COLEC10: variants seen among roughly 807,000 people sequenced by gnomAD.
The protein encoded by COLEC10 is collectin subfamily member 10.
In COLEC10, 22 loss-of-function variants were observed where a neutral mutation model predicts 28.4. The observed-to-expected ratio is 0.78, with a 90% CI of 0.55 to 1.11. COLEC10 has a LOEUF of 1.11. COLEC10 is among the 50% of genes least tolerant of loss of function. The pLI is 0.00. For missense variants in COLEC10, 361 were observed against 344.1 expected, an observed-to-expected ratio of 1.05 and a Z score of -0.39; for synonymous variants, 125 against 116.1, an observed-to-expected ratio of 1.08 and a Z score of -0.49.
At chr8:119,000,309 A>G (rs964865280) in intron 1 of COLEC10, among the ~76,000 whole-genome samples, 3 of 152,040 alleles carry the variant, frequency 2.0e-5, no homozygotes, top group African/African-American at 4.8e-5. Context: ...GAGAATGGGG[A>G]AATGAGTTTC....
At chr8:119,067,106 A>G, upstream of COLEC10, 1 of 596,204 alleles carries the variant, frequency 1.7e-6, no homozygotes, top group Non-Finnish European at 2.9e-6. Flanking sequence ...TGTATGGTCC[A>G]TTTGGAGCAC....
At chr8:119,047,050 G>A (rs895099675) in intron 2 of COLEC10, among the ~76,000 whole-genome samples, 14 of 152,108 alleles carry the variant, frequency 9.2e-5, no homozygotes, top group African/African-American at 3.1e-4. Flanking sequence ...CCTAAATGCT[G>A]ACAACTCTCT....
At chr8:119,010,337 T>G (rs1586996237) in intron 2 of COLEC10, among the ~76,000 whole-genome samples, 1 of 151,152 alleles carries the variant, frequency 6.6e-6, no homozygotes, top group Admixed American at 6.6e-5. Flanking sequence ...TTTAATGTCT[T>G]GATAGCTAAT....
the COLEC10 span, among the ~76,000 whole-genome samples, chr8:118,953,059 C>CAAGAATCAT: frequency 3.9e-5 from 6 of 152,120 alleles, no homozygotes; most frequent in Non-Finnish European, 8.8e-5. Flanking sequence ...GAGAGGGGAC[C>CAAGAATCAT]CCTGGGGAGC....
intron 2 of COLEC10, among the ~76,000 whole-genome samples, chr8:119,040,096 C>G (rs1041885965): frequency 1.3e-5 from 2 of 152,018 alleles, no homozygotes; most frequent in African/African-American, 4.8e-5. Flanking sequence ...TAGTGGACCC[C>G]GTAAAGAATC....
At chr8:118,962,946 C>A in the COLEC10 span, among the ~76,000 whole-genome samples, 57 of 152,272 alleles carry the variant, frequency 3.7e-4, no homozygotes, top group Admixed American at 8.5e-4. Context: ...AAGTGCCAGG[C>A]ACTGGATATG....
Position 119,108,104 on chromosome 8 carries a change from A to G in COLEC10, c.*1913A>G, listed in dbSNP as rs1400512191. Among the ~76,000 whole-genome samples the G allele has an allele frequency of 6.6e-6, 1 of 152,162 alleles. No individual in the cohort carries two copies. The highest frequency in any genetic ancestry group is 2.4e-5 in the African/African-American group (1 of 41,442). On this transcript the variant is annotated 3_prime_UTR_variant, in exon 6 of 6. Coordinates refer to ENST00000332843, the MANE Select transcript of COLEC10 (RefSeq NM_006438.5). Reference sequence around the variant, plus strand: ...ATAATAGGAATTTGTTATATGTTTGACATTTATCAGGTTACTAGTTAAACT... The same window carrying G: ...ATAATAGGAATTTGTTATATGTTTGGCATTTATCAGGTTACTAGTTAAACT...
chr8:119,017,001 A>C (rs530017668), intron 2 of COLEC10, among the ~76,000 whole-genome samples: 2,203 of 152,262 alleles, frequency 0.014, 50 homozygotes, highest in African/African-American at 0.05. Flanking sequence ...GGGGTGAGCC[A>C]CGCACCTGGC....
intron 1 of COLEC10, among the ~76,000 whole-genome samples, chr8:118,996,919 C>T (rs571374868): frequency 3.3e-5 from 5 of 152,224 alleles, no homozygotes; most frequent in Admixed American, 2.6e-4. Flanking sequence ...TCAGCTCTCA[C>T]GTGAACTATC....
intron 1 of COLEC10, among the ~76,000 whole-genome samples, chr8:119,007,942 C>T (rs2130077779): frequency 6.6e-6 from 1 of 150,726 alleles, no homozygotes; most frequent in African/African-American, 2.5e-5. Context: ...TCTACATTAA[C>T]CCTGAGCCTG....
the COLEC10 span, among the ~76,000 whole-genome samples, chr8:118,957,024 A>G: frequency 2.6e-5 from 4 of 152,306 alleles, no homozygotes; most frequent in African/African-American, 9.6e-5. Flanking sequence ...TAAACGCCTT[A>G]CCCTAAAGGA....
the COLEC10 span, among the ~76,000 whole-genome samples, chr8:118,952,707 G>T: frequency 1.3e-5 from 2 of 152,168 alleles, no homozygotes; most frequent in Admixed American, 1.3e-4. Flanking sequence ...TCATCAAAGG[G>T]CTATTGGTAT....
chr8:119,009,814 A>G (rs1445848051), intron 2 of COLEC10, among the ~76,000 whole-genome samples: 4 of 148,214 alleles, frequency 2.7e-5, no homozygotes, highest in African/African-American at 1.0e-4. Flanking sequence ...GAGTGTAACA[A>G]CTTACCCGCA....
At chr8:118,960,785 G>GAAAAAAA in the COLEC10 span, among the ~76,000 whole-genome samples, 50 of 72,546 alleles carry the variant, frequency 6.9e-4, no homozygotes, top group African/African-American at 2.5e-3. Flanking sequence ...GAGACTCTGT[G>GAAAAAAA]AAAAAAAAAA....
At chr8:119,017,470 A>C (rs2326193) in intron 2 of COLEC10, among the ~76,000 whole-genome samples, 100,439 of 152,022 alleles carry the variant, frequency 0.66, 34,631 homozygotes, top group African/African-American at 0.86. Flanking sequence ...GTGCTTGAAG[A>C]ATTGTGTCGA....
intron 1 of COLEC10, among the ~76,000 whole-genome samples, chr8:119,074,860 T>C (rs554700728): frequency 6.6e-6 from 1 of 152,172 alleles, no homozygotes; most frequent in Non-Finnish European, 1.5e-5. Context: ...GGGGATTGCA[T>C]GAGTGAAAAC....
At chr8:119,048,271 G>A (rs1050950292) in intron 2 of COLEC10, among the ~76,000 whole-genome samples, 16 of 152,120 alleles carry the variant, frequency 1.1e-4, no homozygotes, top group African/African-American at 2.9e-4. Context: ...GCATTAACTC[G>A]CTTAGAATTA....
chr8:118,954,145 C>G, the COLEC10 span, among the ~76,000 whole-genome samples: 3 of 152,206 alleles, frequency 2.0e-5, no homozygotes, highest in Non-Finnish European at 4.4e-5. Context: ...CTGGCTCTCC[C>G]TGCAAAGGAG....
chr8:118,962,306 T>C, the COLEC10 span, among the ~76,000 whole-genome samples: 2 of 152,224 alleles, frequency 1.3e-5, no homozygotes, highest in African/African-American at 2.4e-5. Context: ...TCTGAAACTA[T>C]TGCCAGTTAG....
Sources: gnomAD v4.1 joint callset for allele counts (sites outside exome capture counted in the v4.1 genomes callset) on GRCh38, gnomAD v4.1.1 for gene constraint, MANE v1.5 for transcripts, NCBI Gene and HGNC (gene_info 2026-07-23, HGNC 2026-07-21) for gene names.